Variants in ATP8A2 observed in about 807,000 individuals in gnomAD.
ATP8A2 encodes phospholipid-transporting ATPase IB.
A neutral mutation model predicts 165.6 loss-of-function variants in ATP8A2; 100 were observed. The ratio of observed to expected loss-of-function variants is 0.60; its 90% CI spans 0.51 to 0.71. ATP8A2 has a LOEUF of 0.71. ATP8A2 is among the 30% of genes least tolerant of loss of function. The pLI, the probability that ATP8A2 is intolerant of heterozygous loss-of-function variation, is 0.00. For missense variants in ATP8A2, 1,227 were observed against 1,479.5 expected (o/e 0.83, Z 2.80); for synonymous variants, 543 against 548.8 (o/e 0.99, Z 0.15).
chr13:25,964,883 G>C (rs1955743687), intron 34 of ATP8A2, among the ~76,000 whole-genome samples: 1 of 152,234 alleles, frequency 6.6e-6, no homozygotes, highest in African/African-American at 2.4e-5. Context: ...TTTTAGACCA[G>C]GCACAGTGGC....
At chr13:25,681,099 C>T (rs954128348) in intron 24 of ATP8A2, among the ~76,000 whole-genome samples, 1 of 152,124 alleles carries the variant, frequency 6.6e-6, no homozygotes, top group Non-Finnish European at 1.5e-5. Flanking sequence ...TCTAGAATGG[C>T]TTTCTGGAGA....
chr13:25,837,084 T>G (rs1951632408), intron 28 of ATP8A2, 79 bp from the exon 29 acceptor site: 1 of 1,546,020 alleles, frequency 6.5e-7, no homozygotes, highest in Admixed American at 1.8e-5. Flanking sequence ...GGAAGTGAAG[T>G]CATCATTTGG....
chr13:25,787,649 A>C, intron 27 of ATP8A2, among the ~76,000 whole-genome samples: 1 of 152,236 alleles, frequency 6.6e-6, no homozygotes. Flanking sequence ...CACTTTGGTT[A>C]CATGTGGGAA....
At chr13:25,412,404 TA>T (rs2033994034) in intron 1 of ATP8A2, among the ~76,000 whole-genome samples, 1 of 152,220 alleles carries the variant, frequency 6.6e-6, no homozygotes, top group African/African-American at 2.4e-5. Flanking sequence ...TTCCAAGCAA[TA>T]ACTTTGTTTC....
At chr13:26,009,385 C>T (rs1956799261) in intron 35 of ATP8A2, among the ~76,000 whole-genome samples, 1 of 152,212 alleles carries the variant, frequency 6.6e-6, no homozygotes, top group Admixed American at 6.5e-5. Context: ...CCTCTCCATG[C>T]TTCAGAACCC....
At chr13:25,622,072 G>A (rs1170375403) in intron 24 of ATP8A2, among the ~76,000 whole-genome samples, 1 of 152,046 alleles carries the variant, frequency 6.6e-6, no homozygotes, top group Non-Finnish European at 1.5e-5. Context: ...TGGGCATGGT[G>A]GTGCGCACCT....
chr13:25,638,138 A>G (rs2041419613), intron 24 of ATP8A2, among the ~76,000 whole-genome samples: 1 of 152,254 alleles, frequency 6.6e-6, no homozygotes, highest in Non-Finnish European at 1.5e-5. Context: ...AAAGATAGAT[A>G]AAACCACAAA....
chr13:25,563,390 C>A (rs904844273), intron 15 of ATP8A2, among the ~76,000 whole-genome samples: 1 of 139,202 alleles, frequency 7.2e-6, no homozygotes, highest in African/African-American at 2.8e-5. Flanking sequence ...GCCTGGGCAA[C>A]AAGGGTGAAA....
chr13:25,972,292 C>T (rs1243974831), intron 35 of ATP8A2, among the ~76,000 whole-genome samples: 5 of 152,188 alleles, frequency 3.3e-5, no homozygotes, highest in Non-Finnish European at 7.4e-5. Flanking sequence ...CATGAACATG[C>T]TTCTGCACTT....
chr13:25,689,046 A>C (rs895157691), intron 24 of ATP8A2, among the ~76,000 whole-genome samples: 30 of 152,250 alleles, frequency 2.0e-4, no homozygotes, highest in African/African-American at 6.5e-4. Context: ...TTTTTCTAAG[A>C]GTCAAAGGGA....
chr13:25,884,803 C>T (rs1953092317), intron 33 of ATP8A2, among the ~76,000 whole-genome samples: 1 of 152,232 alleles, frequency 6.6e-6, no homozygotes, highest in Admixed American at 6.5e-5. Flanking sequence ...TGCGGCTTCT[C>T]CTGCCCCACT....
At chr13:25,845,914 G>T (rs1478468941) in intron 30 of ATP8A2, among the ~76,000 whole-genome samples, 1 of 152,220 alleles carries the variant, frequency 6.6e-6, no homozygotes, top group Non-Finnish European at 1.5e-5. Flanking sequence ...GGTGGCTCAT[G>T]CCTGTAATCC....
chr13:25,749,578 G>T (rs2138189825), intron 25 of ATP8A2, among the ~76,000 whole-genome samples: 1 of 152,244 alleles, frequency 6.6e-6, no homozygotes, highest in South Asian at 2.1e-4. Context: ...TGTGCTCGGT[G>T]GGGGCAGTCA....
At chr13:25,755,769 T>TG (rs1372409969) in intron 25 of ATP8A2, among the ~76,000 whole-genome samples, 9 of 152,010 alleles carry the variant, frequency 5.9e-5, no homozygotes, top group Non-Finnish European at 1.3e-4. Flanking sequence ...TAGCTGGGCA[T>TG]GGTGGCGGGC....
chr13:25,939,244 A>G (rs1246919812), intron 33 of ATP8A2, among the ~76,000 whole-genome samples: 1 of 151,956 alleles, frequency 6.6e-6, no homozygotes, highest in African/African-American at 2.4e-5. Flanking sequence ...TGTCCTCTGC[A>G]TACCCCTTTG....
intron 33 of ATP8A2, among the ~76,000 whole-genome samples, chr13:25,888,925 GT>G (rs1009388456): frequency 6.6e-6 from 1 of 151,776 alleles, no homozygotes; most frequent in East Asian, 1.9e-4. Flanking sequence ...GAAATCACTA[GT>G]TTTTTTTCTT....
chr13:25,572,419 A>G (rs2039494337), intron 18 of ATP8A2, among the ~76,000 whole-genome samples: 1 of 152,196 alleles, frequency 6.6e-6, no homozygotes, highest in South Asian at 2.1e-4. Flanking sequence ...GACAGGCGTG[A>G]GCCACTGTGC....
At chr13:25,614,051 C>A (rs758693405) in intron 24 of ATP8A2, among the ~76,000 whole-genome samples, 15 of 152,288 alleles carry the variant, frequency 9.8e-5, no homozygotes, top group Admixed American at 4.6e-4. Flanking sequence ...CCCAGGTATT[C>A]TTTGAGCTTC....
At chr13:25,957,185 G>A (rs900921553) in intron 33 of ATP8A2, among the ~76,000 whole-genome samples, 1 of 152,108 alleles carries the variant, frequency 6.6e-6, no homozygotes. Context: ...GAAAACCTAG[G>A]CAATGCCATT....
Sources: gnomAD v4.1 joint callset for allele counts (sites outside exome capture counted in the v4.1 genomes callset) on GRCh38, gnomAD v4.1.1 for gene constraint, MANE v1.5 for transcripts, NCBI Gene and HGNC (gene_info 2026-07-23, HGNC 2026-07-21) for gene names.